C12orf42: variants seen among roughly 807,000 people sequenced by gnomAD.
C12orf42 encodes the protein chromosome 12 open reading frame 42.
Under a neutral mutation model 21.6 loss-of-function variants are expected in C12orf42, and 25 were observed. The observed-to-expected ratio is 1.16, with a 90% CI of 0.84 to 1.62. The LOEUF is 1.62. Among genes scored for constraint, C12orf42 ranks in the 40% most tolerant of loss-of-function variants. The pLI, the probability that C12orf42 is intolerant of heterozygous loss-of-function variation, is 0.00. For synonymous variants in C12orf42, 174 were observed against 175.0 expected (o/e 0.99, Z 0.05); for missense variants, 483 against 459.3 (o/e 1.05, Z -0.47).
At chr12:103,292,599 T>C (rs1317711588) in intron 4 of C12orf42, among the ~76,000 whole-genome samples, 1 of 152,080 alleles carries the variant, frequency 6.6e-6, no homozygotes, top group Non-Finnish European at 1.5e-5. Context: ...GTTACTTTTA[T>C]TGATTCTTAA....
intron 2 of C12orf42, among the ~76,000 whole-genome samples, chr12:103,454,300 T>C (rs1259676829): frequency 6.6e-6 from 1 of 152,062 alleles, no homozygotes; most frequent in Non-Finnish European, 1.5e-5. Context: ...AAACTGGAGT[T>C]TCAACAGGAC....
At chr12:103,144,356 G>C in the C12orf42 span, among the ~76,000 whole-genome samples, 67 of 152,324 alleles carry the variant, frequency 4.4e-4, no homozygotes, top group African/African-American at 1.6e-3. Context: ...CCTTGGCTGT[G>C]AATACAAAGC....
At chr12:103,367,099 G>C (rs1217565086) in intron 4 of C12orf42, among the ~76,000 whole-genome samples, 1 of 151,866 alleles carries the variant, frequency 6.6e-6, no homozygotes, top group East Asian at 1.9e-4. Flanking sequence ...ATATATGATG[G>C]AATACTACTC....
intron 2 of C12orf42, among the ~76,000 whole-genome samples, chr12:103,440,457 CAAAA>C: frequency 7.5e-4 from 52 of 69,698 alleles, no homozygotes; most frequent in Admixed American, 1.5e-3. Flanking sequence ...TCACAGATAC[CAAAA>C]AAAAAAAAAA....
the C12orf42 span, among the ~76,000 whole-genome samples, chr12:103,104,203 A>T: frequency 6.6e-6 from 1 of 152,240 alleles, no homozygotes; most frequent in Non-Finnish European, 1.5e-5. Context: ...GCAACATGAT[A>T]GACAGACTCA....
At chr12:103,339,957 CA>C (rs1333516236) in intron 4 of C12orf42, among the ~76,000 whole-genome samples, 2 of 151,866 alleles carry the variant, frequency 1.3e-5, no homozygotes, top group Admixed American at 6.6e-5. Flanking sequence ...ACAGCTGCTA[CA>C]AAAAAAATTA....
At chr12:103,169,422 C>CA in the C12orf42 span, among the ~76,000 whole-genome samples, 1,299 of 140,182 alleles carry the variant, frequency 9.3e-3, 11 homozygotes, top group African/African-American at 0.027. Flanking sequence ...TTCTTAAACT[C>CA]AAAAAAAAAA....
At chr12:103,086,386 G>C in the C12orf42 span, among the ~76,000 whole-genome samples, 2 of 151,544 alleles carry the variant, frequency 1.3e-5, no homozygotes, top group East Asian at 3.9e-4. Flanking sequence ...AAAAAAAAGA[G>C]AGAACTATTT....
the C12orf42 span, among the ~76,000 whole-genome samples, chr12:103,076,012 A>G: frequency 6.6e-6 from 1 of 152,126 alleles, no homozygotes; most frequent in South Asian, 2.1e-4. Flanking sequence ...ATGCTTTGAG[A>G]CATCTATGTG....
chr12:103,075,032 G>A, the C12orf42 span, among the ~76,000 whole-genome samples: 3 of 152,134 alleles, frequency 2.0e-5, no homozygotes, highest in African/African-American at 7.2e-5. Context: ...AGGCTGCAGT[G>A]AGCTGTGATC....
intron 4 of C12orf42, among the ~76,000 whole-genome samples, chr12:103,359,205 T>C (rs187023667): frequency 1.3e-5 from 2 of 152,236 alleles, no homozygotes; most frequent in African/African-American, 4.8e-5. Context: ...ATCTTTTTCT[T>C]ACCTTTTTAA....
At chr12:103,517,237 G>C in the C12orf42 span, among the ~76,000 whole-genome samples, 1 of 152,152 alleles carries the variant, frequency 6.6e-6, no homozygotes, top group Non-Finnish European at 1.5e-5. Context: ...CTGTATACTT[G>C]AGAACTTACT....
intron 10 of C12orf42, among the ~76,000 whole-genome samples, chr12:103,255,192 G>T (rs1469102819): frequency 6.6e-6 from 1 of 152,046 alleles, no homozygotes; most frequent in Non-Finnish European, 1.5e-5. Flanking sequence ...CCAACATGGT[G>T]AAATCCCGTC....
chr12:103,467,740 T>A (rs968579972), intron 2 of C12orf42, among the ~76,000 whole-genome samples: 1 of 152,194 alleles, frequency 6.6e-6, no homozygotes, highest in Non-Finnish European at 1.5e-5. Flanking sequence ...AAAGATTTGT[T>A]TTTCAATGAC....
intron 3 of C12orf42, among the ~76,000 whole-genome samples, chr12:103,392,925 A>G (rs978109368): frequency 6.6e-6 from 1 of 152,118 alleles, no homozygotes; most frequent in African/African-American, 2.4e-5. Flanking sequence ...TCTCATTCTC[A>G]GTGGTGGAGG....
chr12:103,244,153 A>G (rs1027014656), intron 10 of C12orf42, among the ~76,000 whole-genome samples: 2 of 152,130 alleles, frequency 1.3e-5, no homozygotes, highest in African/African-American at 4.8e-5. Context: ...CAAAGAAAAC[A>G]TTCAGCCACC....
At chr12:103,514,448 C>T in the C12orf42 span, among the ~76,000 whole-genome samples, 4 of 152,138 alleles carry the variant, frequency 2.6e-5, no homozygotes, top group African/African-American at 9.7e-5. Flanking sequence ...AATGCAAAAG[C>T]TCCAGGGTAC....
chr12:103,294,515 GGAA>G (rs567067347), intron 4 of C12orf42, among the ~76,000 whole-genome samples: 73 of 137,008 alleles, frequency 5.3e-4, no homozygotes, highest in African/African-American at 1.9e-3. Flanking sequence ...GAAAAAGAAA[GGAA>G]GAAGAAAGAA....
the C12orf42 span, among the ~76,000 whole-genome samples, chr12:103,146,116 A>T: frequency 1.3e-5 from 2 of 152,122 alleles, no homozygotes; most frequent in East Asian, 1.9e-4. Context: ...TACATACTAC[A>T]ATAATATATA....
Sources: gnomAD v4.1 joint callset for allele counts (sites outside exome capture counted in the v4.1 genomes callset) on GRCh38, gnomAD v4.1.1 for gene constraint, MANE v1.5 for transcripts, NCBI Gene and HGNC (gene_info 2026-07-23, HGNC 2026-07-21) for gene names.